LAMC3: variants seen among roughly 807,000 people sequenced by gnomAD.
LAMC3 encodes laminin subunit gamma-3.
A neutral mutation model predicts 173.8 loss-of-function variants in LAMC3; 128 were observed. The ratio of observed to expected loss-of-function variants is 0.74; its 90% confidence interval spans 0.64 to 0.85. The LOEUF is 0.85. Among genes scored for constraint, LAMC3 ranks in the 40% least tolerant of loss-of-function variants. The pLI, the probability that LAMC3 is intolerant of heterozygous loss-of-function variation, is 0.00. For synonymous variants in LAMC3, 897 were observed against 909.1 expected (o/e 0.99, Z 0.24); for missense variants, 2,022 against 2,156.0 (o/e 0.94, Z 1.23).
rs1427690689 is a variant in LAMC3, at chr9:131,069,776, G to A, written c.2995G>A (p.Asp999Asn). ...FEGYKCDRCH[D>N]NFFLTADGTH... ...GGGCTACAAATGTGACCGCTGCCACGACAACTTCTTCCTCACGGCAGACGG... is the reference window on the plus strand; with the variant it reads ...GGGCTACAAATGTGACCGCTGCCACAACAACTTCTTCCTCACGGCAGACGG... Residue 999 changes from aspartate (D) to asparagine (N), a missense_variant, in exon 17 of 28, where the codon GAC becomes AAC. By Grantham distance (23) the Asp-to-Asn change is conservative (BLOSUM62 1). Transcript: ENST00000361069. 3.1e-6 allele frequency: 5 copies of A among 1,595,488 alleles called. No individual in the cohort carries two copies. Among genetic ancestry groups the A allele is most frequent in the African/African-American group, 2.7e-5 (2 of 74,646 alleles).
chr9:131,036,131 T>C (rs765505831), intron 3 of LAMC3, 35 bp from the exon 4 acceptor site: 19 of 1,611,700 alleles, frequency 1.2e-5, no homozygotes, highest in Admixed American at 5.0e-5. Flanking sequence ...TGCCGGCACC[T>C]GCGGGTCCCC....
In LAMC3 at chr9:131,056,925, G is replaced by A. The variant is rs1273528197; in HGVS notation, c.1940-4G>A. 3 of 1,610,730 alleles carry A rather than the reference G, an allele frequency of 1.9e-6. No individual in the cohort carries two copies. In the East Asian group the frequency reaches 6.7e-5, roughly 36 times the overall value. ...CTCTTCCTCTCTCCCTTCTCGCTCTGCAGGTCCAGTGTTCCTGACTGAGGT... is the reference window on the plus strand; with the variant it reads ...CTCTTCCTCTCTCCCTTCTCGCTCTACAGGTCCAGTGTTCCTGACTGAGGT... On this transcript the variant is annotated splice_polypyrimidine_tract_variant and splice_region_variant and intron_variant, in intron 11 of 27. Transcript: ENST00000361069.
chr9:131,049,218 A>C, intron 9 of LAMC3, 88 bp downstream of exon 9: 1 of 791,286 alleles, frequency 1.3e-6, no homozygotes, highest in Non-Finnish European at 2.2e-6. Flanking sequence ...GGCTGAAAAC[A>C]ATGCCAGTTT....
At chr9:131,071,994 A>G (rs1830044155) in intron 18 of LAMC3, among the ~76,000 whole-genome samples, 1 of 152,130 alleles carries the variant, frequency 6.6e-6, no homozygotes, top group South Asian at 2.1e-4. Flanking sequence ...TAAATGAGTA[A>G]ATAAGACAAA....
rs1388118343 is a variant in LAMC3 at position 131,079,388 on chromosome 9, G to A, written c.3927+90G>A. 4 of 1,506,868 alleles carry A rather than the reference G, an allele frequency of 2.7e-6. No individual in the cohort carries two copies. The African/African-American group carries it at 5.5e-5, about 21-fold the overall frequency. The allele number at this position is 1,506,868 out of a possible 1,614,324, so 93.3% of individuals were successfully genotyped here. A position where few individuals can be genotyped will look rare whatever the true frequency, so the allele number is the denominator to read the frequency against. On this transcript the variant is annotated intron_variant, in intron 23 of 27. Coordinates refer to ENST00000361069, the MANE Select transcript of LAMC3 (RefSeq NM_006059.4). ...GGGTCAGGGTTGCAGGAGGGAGAAGGGCAGAGACAGAAGTAGCTCTGTCCG... is the reference window on the plus strand; with the variant it reads ...GGGTCAGGGTTGCAGGAGGGAGAAGAGCAGAGACAGAAGTAGCTCTGTCCG...
intron 24 of LAMC3, among the ~76,000 whole-genome samples, chr9:131,084,211 C>G (rs756810739): frequency 5.9e-5 from 9 of 151,702 alleles, no homozygotes; most frequent in Non-Finnish European, 7.4e-5. Flanking sequence ...TGATAAACTT[C>G]CTTTAGAATT....
intron 8 of LAMC3, among the ~76,000 whole-genome samples, chr9:131,046,518 A>ATTT (rs71501242): frequency 0.024 from 1,166 of 49,158 alleles, 281 homozygotes; most frequent in Admixed American, 0.031. Context: ...TAATTTTTGT[A>ATTT]TTTTTTTTTT....
rs1830059808 is a variant in LAMC3 at position 131,072,819 on chromosome 9, C to A, written c.3401C>A (p.Ala1134Asp). Residue 1134 changes from alanine (A) to aspartate (D), a missense_variant, in exon 19 of 28, where the codon GCC (alanine) becomes GAC (aspartate). Ala to Asp is a moderately radical substitution (Grantham distance 126). Transcript: ENST00000361069. ...SSEEEILHAA[A>D]ILASLEIPQE... ...GAAGAGGAGATTCTGCATGCAGCTG[C>A]CATTCTCGCGTCTCTGGTATCCCAG... 1.9e-6 allele frequency: 3 copies of A among 1,611,616 alleles called. No homozygotes were observed. The highest frequency in any genetic ancestry group is 1.7e-5 in the Admixed American group (1 of 59,668).
At chr9:131,083,038 C>T (rs935549557) in intron 24 of LAMC3, among the ~76,000 whole-genome samples, 25 of 152,230 alleles carry the variant, frequency 1.6e-4, no homozygotes, top group African/African-American at 5.3e-4. Flanking sequence ...AAGGCGTGGC[C>T]GTGTGTGCTT....
At chr9:131,051,031 G>A (rs1834274872) in intron 9 of LAMC3, among the ~76,000 whole-genome samples, 2 of 152,196 alleles carry the variant, frequency 1.3e-5, no homozygotes, top group African/African-American at 4.8e-5. Flanking sequence ...GGCCGCTTCT[G>A]CACAGGTAAG....
chr9:131,079,338 T>G, intron 23 of LAMC3, 40 bp downstream of exon 23: 1 of 1,611,866 alleles, frequency 6.2e-7, no homozygotes, highest in African/African-American at 1.3e-5. Context: ...CTGGGAGAGG[T>G]TGGGGCTACC....
intron 1 of LAMC3, among the ~76,000 whole-genome samples, chr9:131,014,474 G>A (rs1038730375): frequency 1.3e-5 from 2 of 152,220 alleles, no homozygotes; most frequent in African/African-American, 2.4e-5. Context: ...GCCTGCCCAC[G>A]CATCCTTGCA....
chr9:131,032,483 TCTCGCTCTCGCTCTCTCTCA>T (rs1254301833), intron 3 of LAMC3, among the ~76,000 whole-genome samples: 11 of 145,460 alleles, frequency 7.6e-5, no homozygotes, highest in Admixed American at 1.4e-4. Flanking sequence ...GCTCTCTTTC[TCTCGCTCTCGCTCTCTCTCA>T]CTCGCTCTCT....
At chr9:131,047,247 CTCCGCCTCCCAGGTTCAAGTGATTT>C (rs141467961) in intron 8 of LAMC3, among the ~76,000 whole-genome samples, 66,343 of 142,844 alleles carry the variant, frequency 0.46, 15,475 homozygotes, top group African/African-American at 0.51. Context: ...TCTCTGCAAC[CTCCGCCTCCCAGGTTCAAGTGATTT>C]TCCTGCCTCA....
At chr9:131,049,371 G>A (rs540011498) in intron 9 of LAMC3, among the ~76,000 whole-genome samples, 6 of 152,120 alleles carry the variant, frequency 3.9e-5, no homozygotes, top group Non-Finnish European at 8.8e-5. Context: ...CTGCATTCCT[G>A]GGCTCATGGC....
intron 1 of LAMC3, among the ~76,000 whole-genome samples, chr9:131,017,320 C>G (rs934863161): frequency 2.0e-5 from 3 of 152,198 alleles, no homozygotes; most frequent in African/African-American, 7.2e-5. Flanking sequence ...TTCATGCAAA[C>G]GAGCGGCCTC....
At position 131,039,137 on chromosome 9, in the gene LAMC3, TAC is replaced by T; in HGVS notation, c.1175_1176del (p.His392ProfsTer5). ...TGTGCCCTTCCTCTCCCAGGCTCCC[TAC>T]ACCTCCAGTGCGATGACACAGGCAC... is the stretch of plus-strand genomic sequence containing the variant. On this transcript the variant is annotated frameshift_variant, in exon 6 of 28. Coordinates refer to ENST00000361069, the MANE Select transcript of LAMC3 (RefSeq NM_006059.4). LOFTEE classifies it high-confidence loss of function. The T allele has an allele frequency of 6.2e-7, 1 of 1,611,478 alleles. No homozygotes were observed. The highest frequency in any genetic ancestry group is 8.5e-7 in the Non-Finnish European group (1 of 1,180,012).
chr9:131,070,205 G>A (rs1830015338), intron 17 of LAMC3, among the ~76,000 whole-genome samples: 1 of 152,238 alleles, frequency 6.6e-6, no homozygotes, highest in African/African-American at 2.4e-5. Flanking sequence ...GAAGGTGGCT[G>A]GTGCAGAAGT....
Position 131,082,172 on chromosome 9 carries a change from C to A in LAMC3, c.4030+11C>A, listed in dbSNP as rs959922358. ...TGGCTGATCTGGAAGGTACGTGAGT[C>A]CAGCTGACCACTAGGCTGTGTAATG... On this transcript the variant is annotated intron_variant, in intron 24 of 27. Coordinates refer to ENST00000361069, the MANE Select transcript of LAMC3 (RefSeq NM_006059.4). 11 of 1,593,060 alleles carry A rather than the reference C, an allele frequency of 6.9e-6. No homozygotes were observed. Among genetic ancestry groups the A allele is most frequent in the African/African-American group, 4.0e-5 (3 of 74,544 alleles).
Sources: allele counts gnomAD v4.1 joint callset (sites outside exome capture counted in the v4.1 genomes callset), GRCh38; gene constraint gnomAD v4.1.1; transcripts MANE v1.5; gene names NCBI Gene and HGNC (gene_info 2026-07-23, HGNC 2026-07-21).